Variants in CNGB1 observed in about 807,000 individuals in gnomAD.
CNGB1 encodes the protein cyclic nucleotide-gated channel beta-1.
Under a neutral mutation model 151.7 loss-of-function variants are expected in CNGB1, and 126 were observed. The observed-to-expected ratio is 0.83, with a 90% CI of 0.72 to 0.96. The LOEUF (loss-of-function observed/expected upper bound fraction) is 0.96. CNGB1 is among the 40% of genes least tolerant of loss of function. The pLI, the probability that CNGB1 is intolerant of heterozygous loss-of-function variation, is 0.00. For synonymous variants in CNGB1, 623 were observed against 635.1 expected (o/e 0.98, Z 0.29); for missense variants, 1,698 against 1,627.0 (o/e 1.04, Z -0.75).
chr16:57,901,746 A>G, intron 27 of CNGB1, 121 bp from the exon 28 acceptor site: 1 of 783,620 alleles, frequency 1.3e-6, no homozygotes, highest in Admixed American at 2.0e-5. Context: ...GCATGGAACC[A>G]CTCTGGATTT....
At chr16:57,951,021 C>T (rs1223322122) in intron 12 of CNGB1, among the ~76,000 whole-genome samples, 3 of 152,188 alleles carry the variant, frequency 2.0e-5, no homozygotes, top group East Asian at 1.9e-4. Context: ...CACGCCCATA[C>T]GTTCGGCATT....
intron 18 of CNGB1, among the ~76,000 whole-genome samples, 160 bp from the exon 19 acceptor site, chr16:57,920,704 C>G (rs1345718539): frequency 6.6e-6 from 1 of 152,186 alleles, no homozygotes. Flanking sequence ...ACAGACCTAC[C>G]GTAATCACCT....
At chr16:57,963,139 G>A in intron 4 of CNGB1, 75 bp from the exon 5 acceptor site, 1 of 1,084,572 alleles carries the variant, frequency 9.2e-7, no homozygotes, top group Non-Finnish European at 1.4e-6. Context: ...CAAGACACTA[G>A]GTGAGTCTCT....
chr16:57,884,504 G>T lies in CNGB1; in HGVS notation c.3463-47C>A, dbSNP rs776291928. The T allele has an allele frequency of 9.3e-6, 15 of 1,607,762 alleles. No homozygotes were observed. In the East Asian group the frequency reaches 3.3e-4, roughly 36 times the overall value. ...TCGTGAGGCACAGACTCTCGGAGGG[G>T]TCTTGGAAGGGTCTTGGACACCTCC... On this transcript the variant is annotated intron_variant, in intron 32 of 32. Transcript: ENST00000251102.
At chr16:57,915,082 T>C (rs1412247694) in intron 23 of CNGB1, among the ~76,000 whole-genome samples, 167 bp downstream of exon 23, 1 of 152,214 alleles carries the variant, frequency 6.6e-6, no homozygotes, top group African/African-American at 2.4e-5. Context: ...TAGCAAATTG[T>C]AATGAACTTT....
At chr16:57,893,452 T>C (rs1180944356) in intron 31 of CNGB1, among the ~76,000 whole-genome samples, 1 of 151,824 alleles carries the variant, frequency 6.6e-6, no homozygotes, top group East Asian at 1.9e-4. Context: ...TGCACTGAGC[T>C]CTCTTGTATG....
intron 3 of CNGB1, 89 bp from the exon 4 acceptor site, chr16:57,964,291 G>A: frequency 2.0e-6 from 3 of 1,468,374 alleles, no homozygotes; most frequent in Non-Finnish European, 1.9e-6. Flanking sequence ...GGGGAGAGGA[G>A]AGAGACCCCC....
At chr16:57,901,495 C>T in intron 28 of CNGB1, 33 bp downstream of exon 28, 2 of 1,610,992 alleles carry the variant, frequency 1.2e-6, no homozygotes, top group Non-Finnish European at 8.5e-7. Context: ...GAGCCTCCCA[C>T]AGCCCTGAGC....
In CNGB1 at chr16:57,883,295, T is replaced by G. The variant is rs192862804; in HGVS notation, c.*869A>C. The G allele has an allele frequency of 5.2e-5, 8 of 152,600 alleles. No homozygotes were observed. 9.5% of individuals were successfully genotyped at this position (152,600 alleles called of 1,614,324 possible). A position where few individuals can be genotyped will look rare whatever the true frequency, so the allele number is the denominator to read the frequency against. On this transcript the variant is annotated 3_prime_UTR_variant, in exon 33 of 33. Transcript: ENST00000251102. Reference sequence around the variant, plus strand: ...TTTGTTTGTGTACGTTGTTGTTGTTTGCTTTTGTTTCTGCTGCTGTTTTGT... The same window carrying G: ...TTTGTTTGTGTACGTTGTTGTTGTTGGCTTTTGTTTCTGCTGCTGTTTTGT...
Position 57,913,179 on chromosome 16 carries a change from C to T in CNGB1, c.2305-185G>A, listed in dbSNP as rs867427925. Among the ~76,000 whole-genome samples the T allele has an allele frequency of 1.6e-4, 25 of 152,332 alleles. No individual in the cohort carries two copies. In the Middle Eastern group the frequency reaches 0.01, roughly 62 times the overall value. On this transcript the variant is annotated intron_variant, in intron 23 of 32. Coordinates refer to ENST00000251102, the MANE Select transcript of CNGB1 (RefSeq NM_001297.5). ...GGGGCCAGAAACTCCATTTAGGAAT[C>T]TGAAGAAAGTCATAGCCCGTCTTCC... is the stretch of plus-strand genomic sequence containing the variant.
intron 20 of CNGB1, among the ~76,000 whole-genome samples, 186 bp from the exon 21 acceptor site, chr16:57,917,662 A>G (rs1262780981): frequency 6.6e-6 from 1 of 151,550 alleles, no homozygotes; most frequent in Admixed American, 6.6e-5. Flanking sequence ...ACACACACAC[A>G]CAACTCTCTG....
chr16:57,952,962 G>C (rs988201840), intron 12 of CNGB1, among the ~76,000 whole-genome samples: 10 of 152,322 alleles, frequency 6.6e-5, no homozygotes, highest in African/African-American at 2.4e-4. Context: ...CCCCAGGGCA[G>C]GCCCCCAGGA....
At chr16:57,964,404 C>T (rs1379717257) in intron 3 of CNGB1, 83 bp downstream of exon 3, 1 of 1,562,892 alleles carries the variant, frequency 6.4e-7, no homozygotes, top group African/African-American at 1.4e-5. Flanking sequence ...AATGGGTCCG[C>T]CAGCCTCGTG....
chr16:57,956,443 G>A (rs1306705274), intron 12 of CNGB1, among the ~76,000 whole-genome samples: 1 of 152,116 alleles, frequency 6.6e-6, no homozygotes, highest in Non-Finnish European at 1.5e-5. Flanking sequence ...TCAGACCTGA[G>A]CTCCACAGTC....
rs376128303 is a variant in CNGB1 at position 57,888,031 on chromosome 16, C to T, written c.3286G>A (p.Val1096Met). 9.3e-5 allele frequency: 150 copies of T among 1,613,994 alleles called. 1 individual carries two copies. Among genetic ancestry groups the T allele is most frequent in the Admixed American group, 3.7e-4 (22 of 60,000 alleles). ...CCCGCCCGGGGTGGAAGGATCAGCA[C>T]GCTCTTCTCCTCCTTGGGCTTATTG... ...SNNKPKEEKS[V>M]LILPPRAGTP... The change falls in exon 32 of 33, where the codon GTG (valine) becomes ATG (methionine). Residue 1096 changes from valine to methionine, a missense_variant. Coordinates refer to ENST00000251102, the MANE Select transcript of CNGB1 (RefSeq NM_001297.5).
chr16:57,960,273 A>G (rs953966201), intron 9 of CNGB1, among the ~76,000 whole-genome samples: 2 of 152,176 alleles, frequency 1.3e-5, no homozygotes, highest in African/African-American at 4.8e-5. Context: ...AAGACCCACA[A>G]GTCTGTTCCA....
At chr16:57,952,875 T>A (rs1157444608) in intron 12 of CNGB1, among the ~76,000 whole-genome samples, 1 of 152,040 alleles carries the variant, frequency 6.6e-6, no homozygotes. Context: ...AGCTAAAGAT[T>A]CTGCAGCACT....
intron 14 of CNGB1, chr16:57,946,406 G>A (rs1961811197): frequency 6.6e-6 from 1 of 152,534 alleles, no homozygotes; most frequent in Admixed American, 6.5e-5. Flanking sequence ...GTCGGGACCA[G>A]TCAGGATGCC....
At chr16:57,948,605 C>T (rs1331940062) in intron 14 of CNGB1, among the ~76,000 whole-genome samples, 1 of 152,110 alleles carries the variant, frequency 6.6e-6, no homozygotes, top group East Asian at 1.9e-4. Flanking sequence ...CACACTCGCT[C>T]CCTGGGCATC....
Sources: allele counts gnomAD v4.1 joint callset (sites outside exome capture counted in the v4.1 genomes callset), GRCh38; gene constraint gnomAD v4.1.1; transcripts MANE v1.5; gene names NCBI Gene and HGNC (gene_info 2026-07-23, HGNC 2026-07-21).